The following CDKAL1 variants were observed in gnomAD, a reference collection of about 807,000 sequenced individuals.
CDKAL1 encodes the protein threonylcarbamoyladenosine tRNA methylthiotransferase.
CDKAL1 carries 32 observed loss-of-function variants against 68.2 expected under a neutral mutation model. The ratio of observed to expected loss-of-function variants is 0.47; its 90% CI spans 0.35 to 0.63. CDKAL1 has a LOEUF of 0.63. CDKAL1 is among the 30% of genes least tolerant of loss of function. The pLI, the probability that CDKAL1 is intolerant of heterozygous loss-of-function variation, is 0.00. For missense variants in CDKAL1, 606 were observed against 696.7 expected (o/e 0.87, Z 1.47); for synonymous variants, 234 against 244.3 (o/e 0.96, Z 0.39).
At chr6:20,587,175 C>T (rs903594625) in intron 4 of CDKAL1, among the ~76,000 whole-genome samples, 8 of 151,688 alleles carry the variant, frequency 5.3e-5, no homozygotes, top group Admixed American at 3.9e-4. Flanking sequence ...TTAGTAGAGA[C>T]GCGGTTTTGC....
At chr6:21,093,621 T>G (rs1773157007) in intron 12 of CDKAL1, among the ~76,000 whole-genome samples, 2 of 151,388 alleles carry the variant, frequency 1.3e-5, no homozygotes, top group Admixed American at 1.3e-4. Flanking sequence ...GCGAGGTGAT[T>G]TAGATAAGTG....
intron 5 of CDKAL1, among the ~76,000 whole-genome samples, chr6:20,735,456 C>G (rs6938978): frequency 0.98 from 148,645 of 152,224 alleles, 72,592 homozygotes; most frequent in East Asian, 1. Context: ...CAGATCTCAT[C>G]AGAACTTACT....
At chr6:21,107,760 A>G (rs1467594772) in intron 12 of CDKAL1, among the ~76,000 whole-genome samples, 3 of 152,216 alleles carry the variant, frequency 2.0e-5, no homozygotes, top group East Asian at 1.9e-4. Flanking sequence ...TAACTAATCT[A>G]TGAGGCTTAT....
intron 8 of CDKAL1, among the ~76,000 whole-genome samples, chr6:20,809,339 A>C (rs1444461108): frequency 6.6e-6 from 1 of 152,198 alleles, no homozygotes; most frequent in Non-Finnish European, 1.5e-5. Flanking sequence ...GTTCTACTTC[A>C]TATCACTAAT....
At chr6:20,775,558 A>G (rs1775137568) in intron 7 of CDKAL1, among the ~76,000 whole-genome samples, 1 of 152,196 alleles carries the variant, frequency 6.6e-6, no homozygotes, top group South Asian at 2.1e-4. Context: ...AATTTGCTCC[A>G]AAAATTTGCC....
In CDKAL1 at chr6:20,746,448, G is replaced by A. The variant is rs142189703; in HGVS notation, c.468+6833G>A. The stretch of plus-strand genomic sequence containing the variant: ...ACACAGCAAAGTTGCTCACGGGCTT[G>A]TGAGTTCAAGAAAAATCTTCTCATA... On this transcript the variant is annotated intron_variant, in intron 6 of 15. Transcript: ENST00000274695. Among the ~76,000 whole-genome samples the A allele has an allele frequency of 3.0e-3, 459 of 152,322 alleles. 1 individual carries two copies. Among genetic ancestry groups the A allele is most frequent in the African/African-American group, 0.01 (436 of 41,572 alleles).
intron 11 of CDKAL1, 143 bp downstream of exon 11, chr6:21,000,515 C>T (rs2150818452): frequency 1.5e-6 from 1 of 653,298 alleles, no homozygotes; most frequent in East Asian, 2.7e-5. Context: ...TTTAAGTCTC[C>T]TTGGCACCTT....
intron 4 of CDKAL1, among the ~76,000 whole-genome samples, chr6:20,601,600 GA>G (rs1258520230): frequency 6.6e-6 from 1 of 152,122 alleles, no homozygotes; most frequent in Non-Finnish European, 1.5e-5. Context: ...TGATGAGGAT[GA>G]AGTTGATGAG....
chr6:20,676,808 A>G (rs1337327319), intron 5 of CDKAL1, among the ~76,000 whole-genome samples: 1 of 152,174 alleles, frequency 6.6e-6, no homozygotes, highest in African/African-American at 2.4e-5. Context: ...GTGTAGTAAC[A>G]TGCTGTATGG....
chr6:20,786,494 C>CTTTTTTTTTT (rs1197574844), intron 8 of CDKAL1, among the ~76,000 whole-genome samples: 2 of 80,732 alleles, frequency 2.5e-5, no homozygotes, highest in African/African-American at 1.0e-4. Flanking sequence ...TTTTTCTTAT[C>CTTTTTTTTTT]TTTTTTTTTT....
At position 20,915,988 on chromosome 6, in the gene CDKAL1, A is replaced by ATT. The variant is rs1222366639; in HGVS notation, c.743-39430_743-39429insTT. On this transcript the variant is annotated intron_variant, in intron 9 of 15. Coordinates refer to ENST00000274695, the MANE Select transcript of CDKAL1 (RefSeq NM_017774.3). ...TACATATTCCTGAGGTGACAAAACT[A>ATT]TAGAGATAGAGAAAAGATTAATGAC... Among the ~76,000 whole-genome samples the ATT allele has an allele frequency of 3.3e-5, 5 of 152,294 alleles. No homozygotes were observed. In the East Asian group the frequency reaches 9.7e-4, roughly 29 times the overall value.
chr6:21,150,808 A>G (rs539818389), intron 13 of CDKAL1, among the ~76,000 whole-genome samples: 1 of 152,342 alleles, frequency 6.6e-6, no homozygotes, highest in South Asian at 2.1e-4. Context: ...AAATCAGAGT[A>G]ATGAAAACAG....
At chr6:21,129,309 A>G (rs769301814) in intron 13 of CDKAL1, among the ~76,000 whole-genome samples, 2 of 152,148 alleles carry the variant, frequency 1.3e-5, no homozygotes, top group Non-Finnish European at 2.9e-5. Context: ...TCCTTCAACT[A>G]GATAAAAAAG....
chr6:20,861,542 C>T (rs1159451326), intron 9 of CDKAL1, among the ~76,000 whole-genome samples: 1 of 152,136 alleles, frequency 6.6e-6, no homozygotes, highest in Admixed American at 6.5e-5. Flanking sequence ...GCAACAATTC[C>T]TGTTTCCTTC....
At chr6:21,049,330 A>G (rs1278480490) in intron 11 of CDKAL1, among the ~76,000 whole-genome samples, 1 of 152,218 alleles carries the variant, frequency 6.6e-6, no homozygotes, top group Non-Finnish European at 1.5e-5. Context: ...CTTGAATAAC[A>G]GAAAAATACA....
chr6:20,843,686 G>A (rs1267819636), intron 8 of CDKAL1, among the ~76,000 whole-genome samples: 1 of 152,074 alleles, frequency 6.6e-6, no homozygotes, highest in Admixed American at 6.6e-5. Flanking sequence ...TTTTTTTCTT[G>A]TAGTGTCATG....
At position 21,138,967 on chromosome 6, in the gene CDKAL1, A is replaced by G. The variant is rs575374023; in HGVS notation, c.1299+30504A>G. ...GACCTCGCACTGTCTCCAGTCATGC[A>G]CAGTCAAGCCTGCTTTCAAGAGAGA... is the stretch of plus-strand genomic sequence containing the variant. On this transcript the variant is annotated intron_variant, in intron 13 of 15. Transcript: ENST00000274695. Among the ~76,000 whole-genome samples the G allele has an allele frequency of 4.6e-5, 7 of 152,322 alleles. No homozygotes were observed. The East Asian group carries it at 1.4e-3, about 29-fold the overall frequency.
At chr6:20,747,771 A>G (rs1477117251) in intron 6 of CDKAL1, among the ~76,000 whole-genome samples, 18 of 152,132 alleles carry the variant, frequency 1.2e-4, no homozygotes, top group Admixed American at 9.8e-4. Flanking sequence ...TTTTCTCCCA[A>G]TCCATAGGCT....
chr6:21,138,963 A>G (rs1374625218), intron 13 of CDKAL1, among the ~76,000 whole-genome samples: 1 of 152,206 alleles, frequency 6.6e-6, no homozygotes, highest in Non-Finnish European at 1.5e-5. Context: ...GTCTCCAGTC[A>G]TGCACAGTCA....
Sources: allele counts gnomAD v4.1 joint callset (sites outside exome capture counted in the v4.1 genomes callset), GRCh38; gene constraint gnomAD v4.1.1; transcripts MANE v1.5; gene names NCBI Gene and HGNC (gene_info 2026-07-23, HGNC 2026-07-21).